Variants in ZCCHC7 observed in about 807,000 individuals in gnomAD.
ZCCHC7 encodes zinc finger CCHC domain-containing protein 7.
ZCCHC7 carries 35 observed loss-of-function variants against 52.0 expected under a neutral mutation model. The ratio of observed to expected loss-of-function variants is 0.67; its 90% confidence interval spans 0.51 to 0.89. The LOEUF is 0.89. Ranked by LOEUF, ZCCHC7 falls within the 40% of genes least tolerant of loss-of-function variation. The pLI, the probability that ZCCHC7 is intolerant of heterozygous loss-of-function variation, is 0.00. For synonymous variants in ZCCHC7, 217 were observed against 221.5 expected (o/e 0.98, Z 0.18); for missense variants, 574 against 649.1 (o/e 0.88, Z 1.26).
intron 2 of ZCCHC7, among the ~76,000 whole-genome samples, chr9:37,155,095 T>C (rs1191105335): frequency 6.6e-6 from 1 of 152,000 alleles, no homozygotes; most frequent in Non-Finnish European, 1.5e-5. Context: ...GTGTAGTGGC[T>C]CACACCTGTA....
rs930788668 is a variant in ZCCHC7, at chr9:37,165,238, T to C, written c.610+38296T>C. ...TTTTTTTCTTTTTTGGTAGATTCTT[T>C]TGGATTTTTAAGTTGTGGAACTTAT... On this transcript the variant is annotated intron_variant, in intron 2 of 8. Transcript: ENST00000336755. Among the ~76,000 whole-genome samples, 7 of 152,316 alleles carry C rather than the reference T, an allele frequency of 4.6e-5. No individual in the cohort carries two copies. The East Asian group carries it at 1.3e-3, about 29-fold the overall frequency.
intron 2 of ZCCHC7, among the ~76,000 whole-genome samples, chr9:37,227,092 C>A (rs1422857519): frequency 6.8e-6 from 1 of 147,590 alleles, no homozygotes; most frequent in Non-Finnish European, 1.5e-5. Context: ...ATATTTGATA[C>A]AAAAGGCACA....
chr9:37,287,754 A>G (rs1352902617), intron 2 of ZCCHC7, among the ~76,000 whole-genome samples: 3 of 152,148 alleles, frequency 2.0e-5, no homozygotes, highest in African/African-American at 7.2e-5. Flanking sequence ...TTATAGGTAC[A>G]TTTATGTAGC....
intron 6 of ZCCHC7, among the ~76,000 whole-genome samples, chr9:37,343,103 G>A (rs977574165): frequency 1.3e-5 from 2 of 152,202 alleles, no homozygotes; most frequent in Admixed American, 6.5e-5. Flanking sequence ...CGAGAATCTC[G>A]TAACAGTAAT....
chr9:37,174,327 A>G (rs1188686243), intron 2 of ZCCHC7, among the ~76,000 whole-genome samples: 1 of 152,142 alleles, frequency 6.6e-6, no homozygotes, highest in African/African-American at 2.4e-5. Flanking sequence ...AAAAAGAAAA[A>G]AAGGAAACTG....
chr9:37,183,887 A>G (rs1019328582), intron 2 of ZCCHC7, among the ~76,000 whole-genome samples: 1 of 152,222 alleles, frequency 6.6e-6, no homozygotes, highest in African/African-American at 2.4e-5. Flanking sequence ...CAACAATGCT[A>G]TTCCGCCCTC....
intron 2 of ZCCHC7, among the ~76,000 whole-genome samples, chr9:37,252,149 C>G (rs898313506): frequency 6.6e-6 from 1 of 151,996 alleles, no homozygotes; most frequent in Non-Finnish European, 1.5e-5. Context: ...TAATATTTCT[C>G]GTTTAAACAG....
chr9:37,146,381 C>T (rs1294633260), intron 2 of ZCCHC7, among the ~76,000 whole-genome samples: 1 of 151,824 alleles, frequency 6.6e-6, no homozygotes, highest in East Asian at 1.9e-4. Flanking sequence ...ACAAAGTCTG[C>T]ATGTTTGATT....
intron 2 of ZCCHC7, among the ~76,000 whole-genome samples, chr9:37,158,121 A>G (rs1820912478): frequency 6.6e-6 from 1 of 152,222 alleles, no homozygotes; most frequent in Non-Finnish European, 1.5e-5. Flanking sequence ...TAGCATCGGT[A>G]TGTTTTATAA....
In ZCCHC7 at chr9:37,266,286, A is replaced by G. The variant is rs1564212136; in HGVS notation, c.611-35902A>G. Among the ~76,000 whole-genome samples the G allele has an allele frequency of 3.3e-5, 5 of 152,228 alleles. No individual in the cohort carries two copies. The South Asian group carries it at 8.3e-4, about 25-fold the overall frequency. ...CACTTAGGTATCAAGAAATGATGGT[A>G]TGGCCAAAATGGGCAAAGGAAGAAT... On this transcript the variant is annotated intron_variant, in intron 2 of 8. Transcript: ENST00000336755.
chr9:37,317,570 A>G (rs185923193), intron 5 of ZCCHC7, among the ~76,000 whole-genome samples: 21 of 152,302 alleles, frequency 1.4e-4, no homozygotes, highest in Admixed American at 1.2e-3. Context: ...AAATATAAAT[A>G]GAGCAAATTT....
intron 2 of ZCCHC7, among the ~76,000 whole-genome samples, chr9:37,264,655 G>T (rs1185838058): frequency 6.6e-6 from 1 of 152,064 alleles, no homozygotes; most frequent in Admixed American, 6.6e-5. Context: ...TTTATTTTAC[G>T]AGTTTTCTTG....
At chr9:37,302,685 G>A (rs1046422923) in intron 3 of ZCCHC7, among the ~76,000 whole-genome samples, 5 of 152,226 alleles carry the variant, frequency 3.3e-5, no homozygotes, top group African/African-American at 1.2e-4. Flanking sequence ...CACTTGGCCA[G>A]TTCAGCAAAA....
In ZCCHC7 at chr9:37,149,296, T is replaced by C. The variant is rs1843580486; in HGVS notation, c.610+22354T>C. 2.6e-5 allele frequency among the ~76,000 whole-genome samples: 4 copies of C among 152,188 alleles called. No individual in the cohort carries two copies. The South Asian group carries it at 8.3e-4, about 31-fold the overall frequency. ...TATAGTTCGGTGTTTCCAAAGAAAT[T>C]TGGGCTTCACATTGGGTGAATTCAT... On this transcript the variant is annotated intron_variant, in intron 2 of 8. Transcript: ENST00000336755.
chr9:37,185,467 G>A (rs1564164992), intron 2 of ZCCHC7, among the ~76,000 whole-genome samples: 1 of 152,186 alleles, frequency 6.6e-6, no homozygotes, highest in African/African-American at 2.4e-5. Flanking sequence ...TAGTTTCTGA[G>A]GGCTGCTGTA....
intron 2 of ZCCHC7, among the ~76,000 whole-genome samples, chr9:37,165,655 A>G (rs1055314091): frequency 1.3e-5 from 2 of 152,214 alleles, no homozygotes; most frequent in African/African-American, 4.8e-5. Context: ...TGGTCATGCA[A>G]TATTATTTTT....
intron 2 of ZCCHC7, among the ~76,000 whole-genome samples, chr9:37,133,913 G>A (rs948888777): frequency 3.3e-5 from 5 of 152,024 alleles, no homozygotes; most frequent in African/African-American, 1.2e-4. Context: ...TAGTAGAGTT[G>A]GGGTTTCAGC....
chr9:37,336,068 A>T (rs1830635031), intron 6 of ZCCHC7, among the ~76,000 whole-genome samples: 1 of 152,310 alleles, frequency 6.6e-6, no homozygotes, highest in Non-Finnish European at 1.5e-5. Flanking sequence ...CTAGGGGTAG[A>T]GGGCTTATGT....
At chr9:37,167,248 T>C (rs570456326) in intron 2 of ZCCHC7, among the ~76,000 whole-genome samples, 10 of 151,992 alleles carry the variant, frequency 6.6e-5, no homozygotes, top group Non-Finnish European at 1.0e-4. Flanking sequence ...ATACCAGATA[T>C]TGTAGCTTTC....
Sources: gnomAD v4.1 joint callset for allele counts (sites outside exome capture counted in the v4.1 genomes callset) on GRCh38, gnomAD v4.1.1 for gene constraint, MANE v1.5 for transcripts, NCBI Gene and HGNC (gene_info 2026-07-23, HGNC 2026-07-21) for gene names.